Variants in KIAA1549L observed in about 807,000 individuals in gnomAD.
KIAA1549L encodes UPF0606 protein KIAA1549L.
Under a neutral mutation model 160.7 loss-of-function variants are expected in KIAA1549L, and 88 were observed. That is an observed-to-expected ratio of 0.55 (90% CI 0.46 to 0.65). The LOEUF (loss-of-function observed/expected upper bound fraction) is 0.65. Ranked by LOEUF, KIAA1549L falls within the 30% of genes least tolerant of loss-of-function variation. The pLI is 0.00. For missense variants in KIAA1549L, 2,258 were observed against 2,437.5 expected (o/e 0.93, Z 1.55); for synonymous variants, 950 against 976.7 (o/e 0.97, Z 0.51).
chr11:33,666,762 CGTT>C (rs1286969503), intron 20 of KIAA1549L, among the ~76,000 whole-genome samples: 1 of 152,306 alleles, frequency 6.6e-6, no homozygotes, highest in African/African-American at 2.4e-5. Flanking sequence ...AGATCCAAGA[CGTT>C]GTAATGCAGT....
rs755901261 is a variant in KIAA1549L at position 33,667,994 on chromosome 11, C to T, written c.6281C>T (p.Pro2094Leu). The T allele has an allele frequency of 1.1e-5, 17 of 1,613,894 alleles. No homozygotes were observed. The highest frequency in any genetic ancestry group is 1.6e-4 in the Middle Eastern group (1 of 6,062). Reference sequence around the variant, plus strand: ...CTGCACCCCAGCCTGGAGCAGGCCCCGGCGCCCTCCACAGCGGCCTCGCAG... The same window carrying T: ...CTGCACCCCAGCCTGGAGCAGGCCCTGGCGCCCTCCACAGCGGCCTCGCAG... ...ANLHPSLEQA[P>L]APSTAASQQS... The change falls in exon 21 of 21, where the codon CCG becomes CTG. Residue 2094 changes from proline (P) to leucine (L), a missense_variant. By Grantham distance (98) the Pro-to-Leu change is moderately conservative. This residue lies in a region of KIAA1549L where 1,359 missense variants were observed against 1,546.6 expected (regional missense o/e 0.88). Transcript: ENST00000658780.
In KIAA1549L at chr11:33,381,379, C is replaced by T. The variant is rs142865958; in HGVS notation, c.238+4490C>T. On this transcript the variant is annotated intron_variant, in intron 1 of 20. Transcript: ENST00000658780. Reference sequence around the variant, plus strand: ...AGGAGATGGCCTTGAGTAGACCTGACAGTGAAAATCTGGGGGAAGAATATT... The same window carrying T: ...AGGAGATGGCCTTGAGTAGACCTGATAGTGAAAATCTGGGGGAAGAATATT... Among the ~76,000 whole-genome samples the T allele has an allele frequency of 2.3e-3, 357 of 152,218 alleles. 3 individuals carry two copies. Among genetic ancestry groups the T allele is most frequent in the African/African-American group, 8.0e-3 (334 of 41,530 alleles).
chr11:33,462,988 G>C (rs748094064), intron 1 of KIAA1549L, among the ~76,000 whole-genome samples: 1 of 151,880 alleles, frequency 6.6e-6, no homozygotes, highest in Non-Finnish European at 1.5e-5. Flanking sequence ...CACCATGCCT[G>C]GCTAATTCTT....
Position 33,645,678 on chromosome 11 carries a change from T to C in KIAA1549L, c.5410-8T>C, listed in dbSNP as rs1438283125. 12 of 1,603,886 alleles carry C rather than the reference T, an allele frequency of 7.5e-6. No homozygotes were observed. The highest frequency in any genetic ancestry group is 5.0e-5 in the Admixed American group (3 of 59,818). ...AAACACATCAATGGGCTTTGTTTCC[T>C]CCCACAGACTGAGCCTGAAATCATA... On this transcript the variant is annotated splice_polypyrimidine_tract_variant and splice_region_variant and intron_variant, in intron 16 of 20. Transcript: ENST00000658780.
intron 16 of KIAA1549L, among the ~76,000 whole-genome samples, chr11:33,641,572 GTATA>G (rs10523183): frequency 3.0e-4 from 29 of 96,702 alleles, no homozygotes; most frequent in South Asian, 1.3e-3. Context: ...TAATGGATCT[GTATA>G]TATATATATA....
intron 9 of KIAA1549L, among the ~76,000 whole-genome samples, chr11:33,569,819 A>G (rs949856490): frequency 1.3e-5 from 2 of 152,108 alleles, no homozygotes; most frequent in African/African-American, 4.8e-5. Flanking sequence ...GAGCTCTATA[A>G]TTTCCACTTT....
chr11:33,489,390 C>A (rs1852604643), intron 1 of KIAA1549L, among the ~76,000 whole-genome samples: 1 of 152,150 alleles, frequency 6.6e-6, no homozygotes, highest in Non-Finnish European at 1.5e-5. Flanking sequence ...GAAGGCCTTA[C>A]CCTGGTGTCC....
chr11:33,435,818 G>GTGTGTGTGTGTGTATATATATATGTA (rs1554976830), intron 1 of KIAA1549L, among the ~76,000 whole-genome samples: 3 of 45,322 alleles, frequency 6.6e-5, no homozygotes, highest in African/African-American at 2.6e-4. Flanking sequence ...ATATGTGTGT[G>GTGTGTGTGTGTGTATATATATATGTA]TATATATATA....
At chr11:33,522,280 A>G (rs1590308104) in intron 1 of KIAA1549L, among the ~76,000 whole-genome samples, 1 of 152,364 alleles carries the variant, frequency 6.6e-6, no homozygotes, top group South Asian at 2.1e-4. Context: ...AATCTGAGTT[A>G]ACAAATCTTG....
chr11:33,530,736 A>G (rs552052855), intron 1 of KIAA1549L, among the ~76,000 whole-genome samples: 2 of 152,146 alleles, frequency 1.3e-5, no homozygotes, highest in Non-Finnish European at 2.9e-5. Flanking sequence ...TACCTGCTGC[A>G]TAGGGATTGT....
At chr11:33,594,090 T>G (rs1375184414) in intron 12 of KIAA1549L, among the ~76,000 whole-genome samples, 1 of 151,842 alleles carries the variant, frequency 6.6e-6, no homozygotes, top group East Asian at 1.9e-4. Context: ...AAGGAAGTAA[T>G]TTGAGAAGGA....
At chr11:33,579,491 A>G (rs1855564373) in intron 10 of KIAA1549L, among the ~76,000 whole-genome samples, 1 of 151,886 alleles carries the variant, frequency 6.6e-6, no homozygotes, top group Non-Finnish European at 1.5e-5. Context: ...CAACCTTCAA[A>G]TCTCCTTTCT....
intron 1 of KIAA1549L, among the ~76,000 whole-genome samples, chr11:33,437,841 G>A (rs1299466376): frequency 6.6e-6 from 1 of 152,146 alleles, no homozygotes; most frequent in Non-Finnish European, 1.5e-5. Context: ...GCAGCTCCAG[G>A]CTAGATGTGG....
Position 33,530,433 on chromosome 11 carries a change from AAAAATATATATATATATATATATATAT to A in KIAA1549L, c.239-11367_239-11341del, listed in dbSNP as rs1407492616. 1.7e-3 allele frequency among the ~76,000 whole-genome samples: 17 copies of A among 9,728 alleles called. 1 individual carries two copies. The highest frequency in any genetic ancestry group is 6.3e-3 in the African/African-American group (15 of 2,376). 6.4% of individuals were successfully genotyped at this position (9,728 alleles called of 152,430 possible). A position where few individuals can be genotyped will look rare whatever the true frequency, so the allele number is the denominator to read the frequency against. ...AAGAAGGAAAAAAAAAAAAAAAAAAAAAAATATATATATATATATATATATATATATATATATATATATATATATATG... is the reference window on the plus strand; with the variant it reads ...AAGAAGGAAAAAAAAAAAAAAAAAAAATATATATATATATATATATATATG... On this transcript the variant is annotated intron_variant, in intron 1 of 20. Transcript: ENST00000658780.
Position 33,668,163 on chromosome 11 carries a change from C to G in KIAA1549L, c.*9C>G. 6.2e-7 allele frequency: 1 copy of G among 1,608,436 alleles called. No individual in the cohort carries two copies. Among genetic ancestry groups the G allele is most frequent in the Non-Finnish European group, 8.5e-7 (1 of 1,176,882 alleles). ...TTGAGTTCCAGGTCTAACGCCTTAG[C>G]CCCGTGGGACTCTGGACTTCCAAAC... On this transcript the variant is annotated 3_prime_UTR_variant, in exon 21 of 21. Transcript: ENST00000658780.
intron 16 of KIAA1549L, among the ~76,000 whole-genome samples, chr11:33,627,366 G>A (rs1449425779): frequency 2.0e-5 from 3 of 150,576 alleles, no homozygotes; most frequent in Non-Finnish European, 3.0e-5. Flanking sequence ...GGTAGAATTC[G>A]GCTGTGAATC....
In KIAA1549L at chr11:33,566,751, C is replaced by T. The variant is rs570955052; in HGVS notation, c.4079-1325C>T. 9.2e-5 allele frequency among the ~76,000 whole-genome samples: 14 copies of T among 152,298 alleles called. No individual in the cohort carries two copies. The East Asian group carries it at 2.1e-3, about 23-fold the overall frequency. On this transcript the variant is annotated intron_variant, in intron 8 of 20. Transcript: ENST00000658780. Reference sequence around the variant, plus strand: ...TGGCTGCTGGTAGCCCCCTGTTGTACTGGATGCCATAACTGCAATGCGTTC... The same window carrying T: ...TGGCTGCTGGTAGCCCCCTGTTGTATTGGATGCCATAACTGCAATGCGTTC...
intron 13 of KIAA1549L, among the ~76,000 whole-genome samples, chr11:33,604,191 G>A (rs902530098): frequency 1.3e-5 from 2 of 152,148 alleles, no homozygotes; most frequent in Admixed American, 6.5e-5. Flanking sequence ...CATATCTGTG[G>A]GTAAGGAATT....
intron 14 of KIAA1549L, among the ~76,000 whole-genome samples, chr11:33,607,930 T>G (rs1331264066): frequency 6.6e-6 from 1 of 152,208 alleles, no homozygotes; most frequent in East Asian, 1.9e-4. Context: ...TTCAGCCTCT[T>G]CATTTTTTAA....
Sources: gnomAD v4.1 joint callset for allele counts (sites outside exome capture counted in the v4.1 genomes callset) on GRCh38, gnomAD v4.1.1 for gene constraint, gnomAD v4.1.1 regional missense constraint, MANE v1.5 for transcripts, NCBI Gene and HGNC (gene_info 2026-07-23, HGNC 2026-07-21) for gene names.